The following EML4 variants were observed in gnomAD, a reference collection of about 807,000 sequenced individuals.
The protein encoded by EML4 is echinoderm microtubule-associated protein-like 4.
EML4 carries 72 observed loss-of-function variants against 129.0 expected under a neutral mutation model. The ratio of observed to expected loss-of-function variants is 0.56; its 90% CI spans 0.46 to 0.68. The LOEUF (loss-of-function observed/expected upper bound fraction) is 0.68, where lower values mean the gene tolerates loss of function less well. Among genes scored for constraint, EML4 ranks in the 30% least tolerant of loss-of-function variants. The probability of loss-of-function intolerance (pLI) is 0.00; values close to 1 mark genes in which losing one functional copy is unlikely to be tolerated. For missense variants in EML4, 1,363 were observed against 1,190.6 expected (o/e 1.14, Z -2.13); for synonymous variants, 532 against 405.0 (o/e 1.31, Z -3.77).
intron 1 of EML4, among the ~76,000 whole-genome samples, chr2:42,227,296 A>G (rs968957376): frequency 2.0e-5 from 3 of 151,562 alleles, no homozygotes; most frequent in African/African-American, 2.4e-5. Flanking sequence ...TTAATTTTTA[A>G]TTTTGTAGAG....
chr2:42,326,489 G>C (rs933414823), intron 21 of EML4, among the ~76,000 whole-genome samples: 1 of 152,168 alleles, frequency 6.6e-6, no homozygotes, highest in Non-Finnish European at 1.5e-5. Flanking sequence ...TAGTAGTACA[G>C]ATTACCTTCC....
At chr2:42,201,364 C>G (rs1423127737) in intron 1 of EML4, among the ~76,000 whole-genome samples, 2 of 152,196 alleles carry the variant, frequency 1.3e-5, no homozygotes, top group Non-Finnish European at 2.9e-5. Context: ...AGTTAATTAA[C>G]TTGCCCAAGA....
chr2:42,178,809 A>G (rs1457759079), intron 1 of EML4, among the ~76,000 whole-genome samples: 3 of 152,210 alleles, frequency 2.0e-5, no homozygotes, highest in African/African-American at 4.8e-5. Context: ...TAGCGCTTCT[A>G]AAGTGGAGGG....
chr2:42,313,495 C>T (rs997123951), intron 17 of EML4, among the ~76,000 whole-genome samples: 1 of 151,992 alleles, frequency 6.6e-6, no homozygotes, highest in Non-Finnish European at 1.5e-5. Context: ...CTTGAATGCA[C>T]TAAGCCACGT....
At chr2:42,312,951 T>TC (rs1452463307) in intron 17 of EML4, among the ~76,000 whole-genome samples, 1 of 146,170 alleles carries the variant, frequency 6.8e-6, no homozygotes, top group African/African-American at 2.5e-5. Flanking sequence ...TATATCTTTT[T>TC]TTTTTTTTTT....
chr2:42,229,069 C>A (rs2218104), intron 1 of EML4, among the ~76,000 whole-genome samples: 1 of 151,844 alleles, frequency 6.6e-6, no homozygotes, highest in South Asian at 2.1e-4. Flanking sequence ...AAACTTTGAT[C>A]GTGTACCCTA....
intron 4 of EML4, among the ~76,000 whole-genome samples, chr2:42,262,268 C>G (rs1423150966): frequency 6.6e-6 from 1 of 152,156 alleles, no homozygotes; most frequent in Non-Finnish European, 1.5e-5. Context: ...TTACCACTTA[C>G]AAAATGCTTT....
intron 13 of EML4, among the ~76,000 whole-genome samples, chr2:42,295,778 T>A (rs1558585145): frequency 6.6e-6 from 1 of 152,184 alleles, no homozygotes; most frequent in Admixed American, 6.5e-5. Context: ...ATGATATGGA[T>A]ATATGTTAGT....
intron 1 of EML4, among the ~76,000 whole-genome samples, chr2:42,215,428 A>G (rs191027090): frequency 1.3e-5 from 2 of 152,172 alleles, no homozygotes; most frequent in African/African-American, 2.4e-5. Context: ...AACTACTTTA[A>G]TATTTTATGT....
rs1427798595 is a variant in EML4 at position 42,331,276 on chromosome 2, T to C, written c.*1069T>C. ...GTGTGGGTAACAGTCACAGCAGTTT[T>C]TTTTACCAACAGCATACTTAACAGA... On this transcript the variant is annotated 3_prime_UTR_variant, in exon 23 of 23. Transcript: ENST00000318522. 4.5e-6 allele frequency: 1 copy of C among 223,844 alleles called. No individual in the cohort carries two copies. The highest frequency in any genetic ancestry group is 8.9e-6 in the Non-Finnish European group (1 of 111,918). The allele number at this position is 223,844 out of a possible 1,614,324, so 13.9% of individuals were successfully genotyped here.
intron 1 of EML4, among the ~76,000 whole-genome samples, chr2:42,184,074 AT>A (rs1309060864): frequency 6.6e-6 from 1 of 152,180 alleles, no homozygotes; most frequent in Non-Finnish European, 1.5e-5. Context: ...CACCTATAAG[AT>A]GGTGTTAAAT....
intron 1 of EML4, among the ~76,000 whole-genome samples, chr2:42,214,026 C>A (rs373526069): frequency 6.6e-6 from 1 of 152,052 alleles, no homozygotes; most frequent in African/African-American, 2.4e-5. Context: ...TTATGGTAAA[C>A]GGTGGGTAAC....
chr2:42,253,416 C>T (rs950881522), intron 2 of EML4, among the ~76,000 whole-genome samples: 1 of 152,056 alleles, frequency 6.6e-6, no homozygotes, highest in Non-Finnish European at 1.5e-5. Flanking sequence ...TCTTACAGTT[C>T]TAATAGGAAA....
chr2:42,314,113 C>T (rs546817805), intron 17 of EML4, among the ~76,000 whole-genome samples: 1 of 152,242 alleles, frequency 6.6e-6, no homozygotes, highest in African/African-American at 2.4e-5. Flanking sequence ...AATCCCAGCA[C>T]TTTGGGAGCC....
intron 1 of EML4, 66 bp downstream of exon 1, chr2:42,169,702 G>A: frequency 6.5e-7 from 1 of 1,548,912 alleles, no homozygotes; most frequent in East Asian, 2.4e-5. Flanking sequence ...TCCGCACACA[G>A]CCCAGGCCCT....
intron 1 of EML4, among the ~76,000 whole-genome samples, chr2:42,221,810 G>T (rs537375919): frequency 6.6e-6 from 1 of 151,846 alleles, no homozygotes; most frequent in Non-Finnish European, 1.5e-5. Context: ...CGTCGTGTTG[G>T]CCAGGCTGGT....
intron 1 of EML4, among the ~76,000 whole-genome samples, chr2:42,229,231 G>A (rs373480862): frequency 1.3e-5 from 2 of 152,016 alleles, no homozygotes; most frequent in East Asian, 1.9e-4. Context: ...TTTACATGCT[G>A]TTTAATTTAT....
intron 1 of EML4, among the ~76,000 whole-genome samples, chr2:42,214,871 TTCTGCAAGACTTA>T (rs1673090046): frequency 6.6e-6 from 1 of 152,136 alleles, no homozygotes; most frequent in Non-Finnish European, 1.5e-5. Context: ...CAGTCTTAGA[TTCTGCAAGACTTA>T]TTCATATCTA....
At chr2:42,329,122 C>G in intron 22 of EML4, 106 bp downstream of exon 22, 7 of 1,155,558 alleles carry the variant, frequency 6.1e-6, no homozygotes, top group Non-Finnish European at 8.5e-6. Flanking sequence ...CCATGATACT[C>G]CAGTGCACAG....
Sources: gnomAD v4.1 joint callset for allele counts (sites outside exome capture counted in the v4.1 genomes callset) on GRCh38, gnomAD v4.1.1 for gene constraint, MANE v1.5 for transcripts, NCBI Gene and HGNC (gene_info 2026-07-23, HGNC 2026-07-21) for gene names.